MYO9A: variants seen among roughly 807,000 people sequenced by gnomAD.
The protein encoded by MYO9A is myosin IXA, also known as unconventional myosin-IXa.
In MYO9A, 103 loss-of-function variants were observed where a neutral mutation model predicts 293.3. That is an observed-to-expected ratio of 0.35 (90% CI 0.30 to 0.41). The LOEUF (loss-of-function observed/expected upper bound fraction) is 0.41. Among genes scored for constraint, MYO9A ranks in the 10% least tolerant of loss-of-function variants. The probability of loss-of-function intolerance (pLI) is 1.00; values close to 1 mark genes in which losing one functional copy is unlikely to be tolerated. For missense variants in MYO9A, 2,685 were observed against 3,033.0 expected (o/e 0.89, Z 2.69); for synonymous variants, 1,001 against 1,035.7 (o/e 0.97, Z 0.64).
At chr15:71,943,766 A>G (rs2058840068) in intron 15 of MYO9A, among the ~76,000 whole-genome samples, 2 of 152,146 alleles carry the variant, frequency 1.3e-5, no homozygotes, top group African/African-American at 4.8e-5. Context: ...CTAGAACTTT[A>G]TACAGATGGA....
At chr15:71,843,047 G>C (rs2055231625) in intron 39 of MYO9A, among the ~76,000 whole-genome samples, 1 of 151,942 alleles carries the variant, frequency 6.6e-6, no homozygotes, top group Non-Finnish European at 1.5e-5. Context: ...TTAAAGAGTT[G>C]GTACGTTTTC....
At chr15:72,104,237 ACT>A (rs1396385553) in intron 1 of MYO9A, among the ~76,000 whole-genome samples, 2 of 152,188 alleles carry the variant, frequency 1.3e-5, no homozygotes, top group Non-Finnish European at 2.9e-5. Flanking sequence ...ATTCTGTCCA[ACT>A]GTAGGCTAAT....
At chr15:72,110,039 G>T (rs992201670) in intron 1 of MYO9A, among the ~76,000 whole-genome samples, 3 of 148,588 alleles carry the variant, frequency 2.0e-5, no homozygotes, top group African/African-American at 7.4e-5. Flanking sequence ...CACATCTGTA[G>T]TACCAGCTAC....
chr15:71,913,457 A>G (rs1320014864), intron 19 of MYO9A, among the ~76,000 whole-genome samples: 1 of 152,116 alleles, frequency 6.6e-6, no homozygotes, highest in East Asian at 1.9e-4. Context: ...TAAAAAATCT[A>G]TTTTGTTCTT....
At chr15:72,011,876 G>A (rs1474170722) in intron 6 of MYO9A, among the ~76,000 whole-genome samples, 1 of 152,142 alleles carries the variant, frequency 6.6e-6, no homozygotes, top group Non-Finnish European at 1.5e-5. Context: ...CTTATTAACT[G>A]CAGATCCCCA....
chr15:72,050,339 T>G (rs995866016), intron 1 of MYO9A, among the ~76,000 whole-genome samples: 1 of 152,032 alleles, frequency 6.6e-6, no homozygotes, highest in African/African-American at 2.4e-5. Context: ...CCGGGTGCGG[T>G]GGCTCACACC....
intron 8 of MYO9A, among the ~76,000 whole-genome samples, chr15:72,006,253 T>TG (rs945323862): frequency 1.4e-4 from 21 of 151,480 alleles, no homozygotes; most frequent in Admixed American, 9.9e-4. Context: ...TTTGTGTTTT[T>TG]TTTTTGTTGT....
chr15:71,847,218 A>G (rs28379098), intron 39 of MYO9A, among the ~76,000 whole-genome samples: 4,622 of 152,336 alleles, frequency 0.03, 167 homozygotes, highest in African/African-American at 0.081. Context: ...TACACAATAC[A>G]GAGGAAGGAA....
intron 32 of MYO9A, among the ~76,000 whole-genome samples, chr15:71,873,910 T>G (rs951293855): frequency 6.6e-6 from 1 of 152,216 alleles, no homozygotes; most frequent in Admixed American, 6.5e-5. Flanking sequence ...TCCCTATCCT[T>G]TCCTTTGTAT....
Position 71,938,927 on chromosome 15 carries a change from C to A in MYO9A, c.2303G>T (p.Ser768Ile). The A allele has an allele frequency of 1.2e-6, 2 of 1,604,096 alleles. No homozygotes were observed. Among genetic ancestry groups the A allele is most frequent in the East Asian group, 2.2e-5 (1 of 44,462 alleles). The change falls in exon 16 of 42, where the codon AGT becomes ATT. Residue 768 changes from serine (S) to isoleucine (I), a missense_variant and splice_region_variant. Transcript: ENST00000356056. ...ILQRCKEEKY[S>I]ITRKNPRTPL... ...TGTTCTGGGATTTTTCCGGGTTATA[C>A]CTAGCAAAATTTAAAAAACAGAAAA...
At position 71,903,078 on chromosome 15, in the gene MYO9A, A is replaced by C; in HGVS notation, c.2878-15T>G. 1 of 1,572,576 alleles carries C rather than the reference A, an allele frequency of 6.4e-7. No homozygotes were observed. The highest frequency in any genetic ancestry group is 1.2e-5 in the South Asian group (1 of 85,932). Reference sequence around the variant, plus strand: ...CTCACAAAATCCTGAAAAATAATTTAAAAATATTGTAAAATCAGAAAACAG... The same window carrying C: ...CTCACAAAATCCTGAAAAATAATTTCAAAATATTGTAAAATCAGAAAACAG... On this transcript the variant is annotated splice_polypyrimidine_tract_variant and intron_variant, in intron 21 of 41. Coordinates refer to ENST00000356056, the MANE Select transcript of MYO9A (RefSeq NM_006901.4).
At chr15:71,857,749 T>C (rs986338185) in intron 34 of MYO9A, among the ~76,000 whole-genome samples, 1 of 151,790 alleles carries the variant, frequency 6.6e-6, no homozygotes, top group Non-Finnish European at 1.5e-5. Flanking sequence ...TAAAGGTACA[T>C]GGAAAAATAA....
intron 27 of MYO9A, among the ~76,000 whole-genome samples, chr15:71,885,807 C>T (rs2057002016): frequency 6.6e-6 from 1 of 152,038 alleles, no homozygotes; most frequent in African/African-American, 2.4e-5. Context: ...TCCAAAGTTC[C>T]TACCATTGGG....
intron 1 of MYO9A, among the ~76,000 whole-genome samples, chr15:72,082,608 T>C (rs1441507590): frequency 1.3e-5 from 2 of 152,120 alleles, no homozygotes; most frequent in African/African-American, 4.8e-5. Flanking sequence ...GAGGGCATTC[T>C]TGTCTTGTGC....
chr15:71,833,432 A>G (rs1426524344), intron 39 of MYO9A, among the ~76,000 whole-genome samples: 5 of 152,156 alleles, frequency 3.3e-5, no homozygotes, highest in Non-Finnish European at 7.4e-5. Flanking sequence ...GAAGAATAAC[A>G]TTTCCAAATA....
At chr15:72,100,882 C>T (rs1195783538) in intron 1 of MYO9A, among the ~76,000 whole-genome samples, 1 of 145,774 alleles carries the variant, frequency 6.9e-6, no homozygotes, top group Non-Finnish European at 1.5e-5. Context: ...GGGGGGTCAG[C>T]CCCCCGCCGG....
intron 38 of MYO9A, among the ~76,000 whole-genome samples, chr15:71,849,553 G>A (rs938298114): frequency 6.6e-6 from 1 of 151,966 alleles, no homozygotes; most frequent in East Asian, 1.9e-4. Context: ...AGACTCTCTG[G>A]GGATGGGATC....
chr15:72,048,981 T>C (rs2078475133), intron 1 of MYO9A, among the ~76,000 whole-genome samples: 1 of 152,224 alleles, frequency 6.6e-6, no homozygotes, highest in Non-Finnish European at 1.5e-5. Context: ...ACTCCTTTTC[T>C]TTTTGAAAAC....
intron 17 of MYO9A, 61 bp downstream of exon 17, chr15:71,935,270 TCTGCCAGAAA>T: frequency 1.4e-6 from 2 of 1,436,516 alleles, no homozygotes; most frequent in Admixed American, 2.1e-5. Flanking sequence ...TTCATTTTTT[TCTGCCAGAAA>T]TTTTAAACCA....
Sources: allele counts gnomAD v4.1 joint callset (sites outside exome capture counted in the v4.1 genomes callset), GRCh38; gene constraint gnomAD v4.1.1; transcripts MANE v1.5; gene names NCBI Gene and HGNC (gene_info 2026-07-23, HGNC 2026-07-21).